The following ARHGAP22 variants were observed in gnomAD, a reference collection of about 807,000 sequenced individuals.
The protein encoded by ARHGAP22 is rho GTPase-activating protein 22.
ARHGAP22 carries 48 observed loss-of-function variants against 59.1 expected under a neutral mutation model. The observed-to-expected ratio is 0.81, with a 90% CI of 0.64 to 1.03. ARHGAP22 has a LOEUF of 1.03. Among genes scored for constraint, ARHGAP22 ranks in the 50% least tolerant of loss-of-function variants. The pLI, the probability that ARHGAP22 is intolerant of heterozygous loss-of-function variation, is 0.00. For synonymous variants in ARHGAP22, 445 were observed against 416.4 expected (o/e 1.07, Z -0.84); for missense variants, 1,015 against 958.7 (o/e 1.06, Z -0.78).
chr10:48,637,761 G>A (rs1460605056), intron 1 of ARHGAP22, among the ~76,000 whole-genome samples: 5 of 152,146 alleles, frequency 3.3e-5, no homozygotes, highest in Non-Finnish European at 7.4e-5. Flanking sequence ...GGCAGAACCT[G>A]CTGGAAGGGT....
intron 4 of ARHGAP22, 47 bp downstream of exon 4, chr10:48,479,573 AGGGGGCATGATTACCT>A (rs1564733785): frequency 1.2e-6 from 2 of 1,612,648 alleles, no homozygotes; most frequent in Non-Finnish European, 1.7e-6. Flanking sequence ...CAGGACAGGC[AGGGGGCATGATTACCT>A]GGAGGCAAGG....
chr10:48,433,842 G>A, the ARHGAP22 span, among the ~76,000 whole-genome samples: 1 of 152,302 alleles, frequency 6.6e-6, no homozygotes, highest in South Asian at 2.1e-4. Context: ...GCATCTTTGG[G>A]TGCCTGAACC....
intron 2 of ARHGAP22, among the ~76,000 whole-genome samples, chr10:48,558,022 T>C (rs11101381): frequency 0.16 from 23,568 of 151,926 alleles, 1,913 homozygotes; most frequent in Admixed American, 0.23. Context: ...ACACAGAGAG[T>C]CTGGTGTTTT....
chr10:48,552,749 G>A (rs899406710), intron 3 of ARHGAP22, among the ~76,000 whole-genome samples: 4 of 152,250 alleles, frequency 2.6e-5, no homozygotes, highest in African/African-American at 4.8e-5. Flanking sequence ...TGAGTTGGAT[G>A]TGAATGGGTT....
At chr10:48,602,249 C>T (rs1293415997) in intron 1 of ARHGAP22, among the ~76,000 whole-genome samples, 1 of 152,118 alleles carries the variant, frequency 6.6e-6, no homozygotes, top group African/African-American at 2.4e-5. Context: ...ATTGACCAGG[C>T]TCTGAACATT....
exon 1 of ARHGAP22, chr10:48,652,342 C>A (rs1269782639): frequency 1.4e-6 from 2 of 1,426,904 alleles, no homozygotes; most frequent in African/African-American, 1.4e-5. Context: ...AAGAACCAAC[C>A]ACATCCTCAA....
intron 1 of ARHGAP22, among the ~76,000 whole-genome samples, chr10:48,651,699 T>A (rs2136220150): frequency 6.6e-6 from 1 of 152,224 alleles, no homozygotes; most frequent in South Asian, 2.1e-4. Context: ...CAAACAGTCA[T>A]CCCACTTGGT....
chr10:48,591,203 A>C (rs755857191), intron 1 of ARHGAP22, among the ~76,000 whole-genome samples: 2 of 152,184 alleles, frequency 1.3e-5, no homozygotes, highest in Non-Finnish European at 2.9e-5. Context: ...GCAGACTCAA[A>C]AAGAAATGAA....
the ARHGAP22 span, among the ~76,000 whole-genome samples, chr10:48,440,471 G>C: frequency 5.5e-4 from 84 of 152,310 alleles, no homozygotes; most frequent in African/African-American, 2.0e-3. Context: ...GGATTGATTA[G>C]AGGAAATGAG....
intron 3 of ARHGAP22, among the ~76,000 whole-genome samples, chr10:48,481,492 T>C (rs115670254): frequency 0.017 from 2,527 of 152,244 alleles, 70 homozygotes; most frequent in African/African-American, 0.057. Flanking sequence ...TTGTACCTAA[T>C]CTTGAATTTC....
intron 3 of ARHGAP22, among the ~76,000 whole-genome samples, chr10:48,536,996 A>C (rs1251748092): frequency 6.6e-6 from 1 of 152,144 alleles, no homozygotes; most frequent in Non-Finnish European, 1.5e-5. Flanking sequence ...AATAAAAAAA[A>C]AACCCCATCA....
At chr10:48,629,084 T>G (rs1418947935) in intron 1 of ARHGAP22, among the ~76,000 whole-genome samples, 1 of 152,232 alleles carries the variant, frequency 6.6e-6, no homozygotes, top group Admixed American at 6.5e-5. Context: ...GGCCCAGGAC[T>G]AGCTCCCAGC....
At chr10:48,655,054 C>CTTTCTTTCTTTCTTTCTTTCTCCT (rs1309930149), upstream of ARHGAP22, among the ~76,000 whole-genome samples, 2 of 61,624 alleles carry the variant, frequency 3.2e-5, no homozygotes, top group Admixed American at 1.9e-4. Flanking sequence ...TTCTTTCTTT[C>CTTTCTTTCTTTCTTTCTTTCTCCT]TCCTTCCTTC....
chr10:48,533,188 T>G (rs895016613), intron 3 of ARHGAP22, among the ~76,000 whole-genome samples: 32 of 151,830 alleles, frequency 2.1e-4, no homozygotes, highest in African/African-American at 5.8e-4. Context: ...GTTGTTTTTT[T>G]TTTTTTTTTT....
downstream of ARHGAP22, among the ~76,000 whole-genome samples, chr10:48,442,743 A>C (rs2045232477): frequency 6.6e-6 from 1 of 152,200 alleles, no homozygotes; most frequent in South Asian, 2.1e-4. Context: ...ATTTATCAAA[A>C]GCTCACTGAA....
At chr10:48,441,810 C>A (rs780976628), downstream of ARHGAP22, among the ~76,000 whole-genome samples, 1 of 152,146 alleles carries the variant, frequency 6.6e-6, no homozygotes, top group Non-Finnish European at 1.5e-5. Context: ...CTGGGTCCTG[C>A]GGGTCCAGGT....
chr10:48,459,947 C>A, intron 4 of ARHGAP22, 56 bp from the exon 5 acceptor site: 1 of 1,545,380 alleles, frequency 6.5e-7, no homozygotes, highest in Non-Finnish European at 8.8e-7. Flanking sequence ...GTGTTGGGTG[C>A]TCAGGACAAT....
intron 2 of ARHGAP22, among the ~76,000 whole-genome samples, chr10:48,568,978 G>A (rs947145398): frequency 2.0e-5 from 3 of 152,368 alleles, no homozygotes; most frequent in South Asian, 2.1e-4. Context: ...GAGCCTAAGA[G>A]CACACTCTTG....
intron 3 of ARHGAP22, among the ~76,000 whole-genome samples, chr10:48,527,400 G>C (rs1359654844): frequency 6.6e-5 from 10 of 151,812 alleles, no homozygotes; most frequent in Admixed American, 6.6e-4. Flanking sequence ...TGTAGGTGTG[G>C]ATAGATGAAT....
Sources: allele counts gnomAD v4.1 joint callset (sites outside exome capture counted in the v4.1 genomes callset), GRCh38; gene constraint gnomAD v4.1.1; transcripts MANE v1.5; gene names NCBI Gene and HGNC (gene_info 2026-07-23, HGNC 2026-07-21).